PIBF1: variants seen among roughly 807,000 people sequenced by gnomAD.
The protein encoded by PIBF1 is progesterone immunomodulatory binding factor 1.
A neutral mutation model predicts 112.5 loss-of-function variants in PIBF1; 90 were observed. That is an observed-to-expected ratio of 0.80 (90% CI 0.67 to 0.95). The LOEUF (loss-of-function observed/expected upper bound fraction) is 0.95, where lower values mean the gene tolerates loss of function less well. Among genes scored for constraint, PIBF1 ranks in the 40% least tolerant of loss-of-function variants. The pLI is 0.00. For missense variants in PIBF1, 915 were observed against 852.3 expected, an observed-to-expected ratio of 1.07 and a Z score of -0.92; for synonymous variants, 301 against 288.6, an observed-to-expected ratio of 1.04 and a Z score of -0.44.
chr13:73,013,759 A>G (rs1209614620), intron 17 of PIBF1, among the ~76,000 whole-genome samples: 1 of 119,414 alleles, frequency 8.4e-6, no homozygotes, highest in Admixed American at 8.5e-5. Context: ...AAAAAGAAAA[A>G]GAAAAAATCC....
intron 14 of PIBF1, among the ~76,000 whole-genome samples, chr13:72,960,537 G>C (rs1021226364): frequency 1.3e-5 from 2 of 152,190 alleles, no homozygotes; most frequent in African/African-American, 4.8e-5. Flanking sequence ...GTTATGTTTT[G>C]TGCAATTGAA....
chr13:72,988,901 G>A (rs1426578054), intron 16 of PIBF1, among the ~76,000 whole-genome samples: 2 of 152,060 alleles, frequency 1.3e-5, no homozygotes, highest in Non-Finnish European at 2.9e-5. Flanking sequence ...AGCCAGAAGT[G>A]GTGGCACACC....
chr13:72,850,591 A>AT (rs2038096226), intron 9 of PIBF1, among the ~76,000 whole-genome samples: 1 of 152,208 alleles, frequency 6.6e-6, no homozygotes, highest in Admixed American at 6.5e-5. Context: ...AGCATTCGTG[A>AT]TTCATTAGTC....
chr13:72,828,430 C>A (rs555741597), intron 8 of PIBF1, among the ~76,000 whole-genome samples: 4 of 152,054 alleles, frequency 2.6e-5, no homozygotes, highest in Non-Finnish European at 5.9e-5. Flanking sequence ...TCCCCTAGCC[C>A]CCCACTCCCC....
At chr13:73,009,552 G>A (rs1253199656) in intron 17 of PIBF1, among the ~76,000 whole-genome samples, 1 of 152,186 alleles carries the variant, frequency 6.6e-6, no homozygotes, top group African/African-American at 2.4e-5. Context: ...GTTGGAGAGT[G>A]TCAAGAAATA....
chr13:72,992,963 C>A (rs1004848182), intron 16 of PIBF1, among the ~76,000 whole-genome samples: 2 of 152,116 alleles, frequency 1.3e-5, no homozygotes, highest in Non-Finnish European at 2.9e-5. Context: ...AAAACAAATT[C>A]TGGAGCAGAA....
intron 17 of PIBF1, among the ~76,000 whole-genome samples, chr13:73,013,319 A>AAAAAAG (rs2044272893): frequency 7.7e-6 from 1 of 130,572 alleles, no homozygotes; most frequent in East Asian, 2.2e-4. Context: ...AAAAAAAAAA[A>AAAAAAG]AAAAAAAGAA....
chr13:72,909,049 A>G (rs1338181746), intron 12 of PIBF1, among the ~76,000 whole-genome samples: 2 of 152,162 alleles, frequency 1.3e-5, no homozygotes, highest in East Asian at 1.9e-4. Context: ...TGTCTCAAAA[A>G]AAAAAGAAAA....
At chr13:72,966,883 T>C (rs1453531973) in intron 15 of PIBF1, among the ~76,000 whole-genome samples, 9 of 152,072 alleles carry the variant, frequency 5.9e-5, no homozygotes, top group Non-Finnish European at 1.2e-4. Flanking sequence ...CACTCCAGCT[T>C]GGGCAACAGA....
chr13:72,871,865 C>A (rs747254837), intron 10 of PIBF1, among the ~76,000 whole-genome samples: 1 of 152,078 alleles, frequency 6.6e-6, no homozygotes, highest in Non-Finnish European at 1.5e-5. Flanking sequence ...TTTCAGAAGC[C>A]TCATGGTAAG....
At chr13:73,014,176 G>A (rs550283446) in intron 17 of PIBF1, among the ~76,000 whole-genome samples, 1 of 151,562 alleles carries the variant, frequency 6.6e-6, no homozygotes, top group East Asian at 1.9e-4. Flanking sequence ...GTTTTGCCAT[G>A]TTGCACAGAC....
chr13:72,911,866 A>T (rs529764141), intron 12 of PIBF1, among the ~76,000 whole-genome samples: 2 of 152,276 alleles, frequency 1.3e-5, no homozygotes, highest in South Asian at 4.1e-4. Flanking sequence ...ATAGTGACTC[A>T]TGCCTGTAAT....
intron 15 of PIBF1, among the ~76,000 whole-genome samples, chr13:72,966,292 C>T (rs1205690155): frequency 1.3e-5 from 2 of 152,030 alleles, no homozygotes; most frequent in African/African-American, 4.8e-5. Flanking sequence ...CAGTAATTAC[C>T]TTCTTTCATT....
intron 6 of PIBF1, among the ~76,000 whole-genome samples, chr13:72,823,274 T>C (rs990071684): frequency 6.6e-6 from 1 of 152,122 alleles, no homozygotes; most frequent in Non-Finnish European, 1.5e-5. Flanking sequence ...CGGATGATCA[T>C]TGAAACAAGA....
At chr13:72,801,843 G>A (rs1000038321) in intron 5 of PIBF1, among the ~76,000 whole-genome samples, 1 of 152,198 alleles carries the variant, frequency 6.6e-6, no homozygotes, top group Admixed American at 6.5e-5. Context: ...AGTGATGCTG[G>A]AAGAGCTCTC....
At chr13:72,872,410 A>G (rs1407779375) in intron 10 of PIBF1, among the ~76,000 whole-genome samples, 1 of 152,188 alleles carries the variant, frequency 6.6e-6, no homozygotes, top group Admixed American at 6.5e-5. Context: ...TTGAAATGCT[A>G]AAGCACCATT....
chr13:72,916,702 A>G (rs2041109927), intron 12 of PIBF1, among the ~76,000 whole-genome samples: 1 of 152,138 alleles, frequency 6.6e-6, no homozygotes, highest in Non-Finnish European at 1.5e-5. Flanking sequence ...TAATTTAAAA[A>G]TCATTTATCA....
Position 73,001,582 on chromosome 13 carries a change from CTTTTT to C in PIBF1, c.2223+2601_2223+2605del, listed in dbSNP as rs10645002. Among the ~76,000 whole-genome samples, 77 of 29,174 alleles carry C rather than the reference CTTTTT, an allele frequency of 2.6e-3. 2 individuals carry two copies. The highest frequency in any genetic ancestry group is 4.9e-3 in the Non-Finnish European group (65 of 13,370). 19.1% of individuals were successfully genotyped at this position (29,174 alleles called of 152,430 possible). A position where few individuals can be genotyped will look rare whatever the true frequency, so the allele number is the denominator to read the frequency against. ...CAGAGGAGGAGAAATAAGAGCTTGA[CTTTTT>C]TTTTTTTTTTTTTGACACTTAGGTC... On this transcript the variant is annotated intron_variant, in intron 17 of 17. Transcript: ENST00000326291.
chr13:72,812,036 T>A (rs2036048196), intron 5 of PIBF1, among the ~76,000 whole-genome samples: 1 of 152,162 alleles, frequency 6.6e-6, no homozygotes, highest in African/African-American at 2.4e-5. Flanking sequence ...CTTGTAAATT[T>A]TAGGGGCAAG....
Sources: allele counts gnomAD v4.1 joint callset (sites outside exome capture counted in the v4.1 genomes callset), GRCh38; gene constraint gnomAD v4.1.1; transcripts MANE v1.5; gene names NCBI Gene and HGNC (gene_info 2026-07-23, HGNC 2026-07-21).